Variants in CNBD1 observed in about 807,000 individuals in gnomAD.
The protein encoded by CNBD1 is cyclic nucleotide binding domain containing 1, also known as cyclic nucleotide-binding domain-containing protein 1.
In CNBD1, 71 loss-of-function variants were observed where a neutral mutation model predicts 54.4. The observed-to-expected ratio is 1.30, with a 90% confidence interval of 1.08 to 1.59. The LOEUF (loss-of-function observed/expected upper bound fraction) is 1.59, where lower values mean the gene tolerates loss of function less well. CNBD1 is among the 40% of genes most tolerant of loss of function. The probability of loss-of-function intolerance (pLI) is 0.00; values close to 1 mark genes in which losing one functional copy is unlikely to be tolerated. For synonymous variants in CNBD1, 182 were observed against 170.7 expected (o/e 1.07, Z -0.51); for missense variants, 659 against 518.0 (o/e 1.27, Z -2.64).
chr8:87,273,310 G>T (rs1490239820), intron 6 of CNBD1, among the ~76,000 whole-genome samples: 1 of 151,940 alleles, frequency 6.6e-6, no homozygotes, highest in African/African-American at 2.4e-5. Flanking sequence ...CATGATGGGT[G>T]ACTGTTGGAA....
At position 87,159,362 on chromosome 8, in the gene CNBD1, G is replaced by A. The variant is rs1374353168; in HGVS notation, c.432-46631G>A. Among the ~76,000 whole-genome samples the A allele has an allele frequency of 2.6e-5, 4 of 152,056 alleles. No homozygotes were observed. In the East Asian group the frequency reaches 7.8e-4, roughly 29 times the overall value. ...TTTCATGGGATATAAAAAGAGAATGGGGCTGATTCAGATATTCTTCTAGCT... is the reference window on the plus strand; with the variant it reads ...TTTCATGGGATATAAAAAGAGAATGAGGCTGATTCAGATATTCTTCTAGCT... On this transcript the variant is annotated intron_variant, in intron 4 of 10. Coordinates refer to ENST00000518476, the MANE Select transcript of CNBD1 (RefSeq NM_173538.3).
intron 3 of CNBD1, among the ~76,000 whole-genome samples, chr8:86,913,961 A>C (rs1395325827): frequency 6.6e-6 from 1 of 152,092 alleles, no homozygotes; most frequent in African/African-American, 2.4e-5. Context: ...CTGGGGAAAT[A>C]ATTCAGTGAT....
chr8:87,219,329 G>A (rs868803281), intron 5 of CNBD1, among the ~76,000 whole-genome samples: 1 of 151,956 alleles, frequency 6.6e-6, no homozygotes, highest in Non-Finnish European at 1.5e-5. Flanking sequence ...GAAAATGTGG[G>A]ACATAAATGA....
chr8:87,409,889 G>T (rs540933660), intron 2 of CNBD1, among the ~76,000 whole-genome samples: 45 of 152,092 alleles, frequency 3.0e-4, no homozygotes, highest in Admixed American at 1.1e-3. Flanking sequence ...CTGGTGTGGT[G>T]GTGTGTACCT....
chr8:87,035,642 C>T (rs1809917505), intron 4 of CNBD1, among the ~76,000 whole-genome samples: 1 of 152,240 alleles, frequency 6.6e-6, no homozygotes, highest in Admixed American at 6.5e-5. Flanking sequence ...AAATAAAATA[C>T]TTGAATGTGT....
chr8:87,267,885 C>G (rs2130855294), intron 6 of CNBD1, among the ~76,000 whole-genome samples: 1 of 152,152 alleles, frequency 6.6e-6, no homozygotes, highest in Admixed American at 6.6e-5. Context: ...AAATAAAATT[C>G]AAAGTGTTTA....
intron 4 of CNBD1, among the ~76,000 whole-genome samples, chr8:87,151,194 T>G (rs1812595837): frequency 6.6e-6 from 1 of 152,202 alleles, no homozygotes; most frequent in Non-Finnish European, 1.5e-5. Flanking sequence ...GTCATCGTTT[T>G]CTGTCCTTTG....
rs993698421 is a variant in CNBD1, at chr8:87,242,450, TCCTTTATATTAATTAAC to T, written c.771+5359_771+5375del. Among the ~76,000 whole-genome samples the T allele has an allele frequency of 1.2e-4, 18 of 152,280 alleles. No homozygotes were observed. In the South Asian group the frequency reaches 1.5e-3, roughly 12 times the overall value. ...CCACAACCCTTTATATTAATGCAGA[TCCTTTATATTAATTAAC>T]CCTTTATATTAATTAACCCTCTTCT... On this transcript the variant is annotated intron_variant, in intron 6 of 10. Transcript: ENST00000518476.
intron 5 of CNBD1, among the ~76,000 whole-genome samples, chr8:87,228,883 A>G (rs901034891): frequency 4.6e-5 from 7 of 152,180 alleles, no homozygotes; most frequent in Admixed American, 3.9e-4. Flanking sequence ...CTATGCTAGC[A>G]ATCAGCGAGA....
chr8:87,302,440 C>A (rs979895572), intron 8 of CNBD1, among the ~76,000 whole-genome samples: 58 of 136,062 alleles, frequency 4.3e-4, no homozygotes, highest in African/African-American at 1.5e-3. Context: ...ATTCAACAAC[C>A]CTTCATGCTA....
intron 4 of CNBD1, among the ~76,000 whole-genome samples, chr8:87,055,436 C>T (rs890093503): frequency 2.0e-5 from 3 of 152,060 alleles, no homozygotes; most frequent in Admixed American, 6.5e-5. Context: ...AGGTAAGTCC[C>T]CCCCTTCCCT....
intron 5 of CNBD1, among the ~76,000 whole-genome samples, chr8:87,230,062 T>A (rs1814639386): frequency 6.6e-6 from 1 of 152,110 alleles, no homozygotes; most frequent in African/African-American, 2.4e-5. Context: ...AAACTAACAA[T>A]CATGGCAGAA....
intron 10 of CNBD1, among the ~76,000 whole-genome samples, chr8:87,357,434 G>T (rs1285554099): frequency 6.6e-6 from 1 of 152,210 alleles, no homozygotes; most frequent in African/African-American, 2.4e-5. Context: ...CCCATCCCTT[G>T]CACCAGTGTA....
rs868512639 is a variant in CNBD1, at chr8:86,888,842, T to A, written c.158+1231T>A. The stretch of plus-strand genomic sequence containing the variant: ...GCTTTCTGGCCCAGACGCATTTCAT[T>A]TTTCAAAATACTTCTAGTTTTTTTT... On this transcript the variant is annotated intron_variant, in intron 2 of 10. Coordinates refer to ENST00000518476, the MANE Select transcript of CNBD1 (RefSeq NM_173538.3). Among the ~76,000 whole-genome samples, 8 of 152,262 alleles carry A rather than the reference T, an allele frequency of 5.3e-5. No individual in the cohort carries two copies. The Middle Eastern group carries it at 0.01, about 194-fold the overall frequency.
At chr8:87,204,984 A>C (rs1202024203) in intron 4 of CNBD1, among the ~76,000 whole-genome samples, 1 of 152,054 alleles carries the variant, frequency 6.6e-6, no homozygotes, top group Non-Finnish European at 1.5e-5. Flanking sequence ...CTACAACCCA[A>C]AACAAAAAAC....
chr8:87,017,652 G>A (rs932710728), intron 4 of CNBD1, among the ~76,000 whole-genome samples: 1 of 152,166 alleles, frequency 6.6e-6, no homozygotes. Context: ...CTCGTGAGCT[G>A]TTTGGTCTGT....
chr8:86,904,785 T>C (rs1013222414), intron 2 of CNBD1, among the ~76,000 whole-genome samples: 1 of 152,082 alleles, frequency 6.6e-6, no homozygotes, highest in Non-Finnish European at 1.5e-5. Context: ...CTGTAGTACA[T>C]TATATAAAAC....
chr8:86,922,411 T>C (rs968085247), intron 3 of CNBD1, among the ~76,000 whole-genome samples: 2 of 152,056 alleles, frequency 1.3e-5, no homozygotes, highest in Non-Finnish European at 2.9e-5. Context: ...TTGGACCTTT[T>C]GGAAGTTTTA....
At chr8:86,994,572 T>G (rs899466937) in intron 4 of CNBD1, among the ~76,000 whole-genome samples, 27 of 152,302 alleles carry the variant, frequency 1.8e-4, no homozygotes, top group African/African-American at 6.5e-4. Flanking sequence ...GGGACACTGG[T>G]TCCCTTGTAG....
Sources: allele counts gnomAD v4.1 joint callset (sites outside exome capture counted in the v4.1 genomes callset), GRCh38; gene constraint gnomAD v4.1.1; transcripts MANE v1.5; gene names NCBI Gene and HGNC (gene_info 2026-07-23, HGNC 2026-07-21).